The following ANKIB1 variants were observed in gnomAD, a reference collection of about 807,000 sequenced individuals.
ANKIB1 encodes ankyrin repeat and IBR domain containing 1.
In ANKIB1, 43 loss-of-function variants were observed where a neutral mutation model predicts 122.1. The observed-to-expected ratio is 0.35, with a 90% CI of 0.28 to 0.45. The LOEUF is 0.45. ANKIB1 is among the 20% of genes least tolerant of loss of function. The probability of loss-of-function intolerance (pLI) is 1.00; values close to 1 mark genes in which losing one functional copy is unlikely to be tolerated. For missense variants in ANKIB1, 992 were observed against 1,329.5 expected (o/e 0.75, Z 3.95); for synonymous variants, 390 against 442.0 (o/e 0.88, Z 1.48).
chr7:92,328,942 A>AAT (rs1000501780), intron 5 of ANKIB1, among the ~76,000 whole-genome samples: 7 of 148,416 alleles, frequency 4.7e-5, no homozygotes, highest in South Asian at 2.1e-4. Flanking sequence ...TAAAACATAT[A>AAT]ATATATATAT....
chr7:92,382,209 C>T (rs1418952417), intron 11 of ANKIB1, among the ~76,000 whole-genome samples: 1 of 152,196 alleles, frequency 6.6e-6, no homozygotes, highest in East Asian at 1.9e-4. Context: ...TATATATGCA[C>T]CCAATACAGG....
intron 4 of ANKIB1, 29 bp downstream of exon 4, chr7:92,319,541 A>G: frequency 1.3e-6 from 2 of 1,575,340 alleles, no homozygotes; most frequent in East Asian, 4.5e-5. Flanking sequence ...CTCAGTAAAA[A>G]AATTACATGT....
At chr7:92,391,997 C>G (rs1804797069) in intron 16 of ANKIB1, among the ~76,000 whole-genome samples, 1 of 151,954 alleles carries the variant, frequency 6.6e-6, no homozygotes, top group Admixed American at 6.6e-5. Context: ...CAAATAGAAG[C>G]ATTATAAAAT....
intron 1 of ANKIB1, among the ~76,000 whole-genome samples, chr7:92,265,549 A>G (rs1801654377): frequency 1.3e-5 from 2 of 152,240 alleles, no homozygotes; most frequent in Non-Finnish European, 1.5e-5. Flanking sequence ...AAAGCAAAAC[A>G]TAACTATTGT....
At chr7:92,394,993 A>G (rs1389732043) in intron 17 of ANKIB1, among the ~76,000 whole-genome samples, 1 of 152,222 alleles carries the variant, frequency 6.6e-6, no homozygotes, top group Non-Finnish European at 1.5e-5. Context: ...AGCATATTGA[A>G]TATTCTAGGG....
At chr7:92,296,828 A>G (rs985882265) in intron 2 of ANKIB1, among the ~76,000 whole-genome samples, 1 of 152,208 alleles carries the variant, frequency 6.6e-6, no homozygotes, top group Admixed American at 6.5e-5. Context: ...AAAATTTCAT[A>G]AATAATTTAG....
chr7:92,325,352 TTC>T (rs894232136), intron 4 of ANKIB1, among the ~76,000 whole-genome samples: 30 of 152,232 alleles, frequency 2.0e-4, no homozygotes, highest in African/African-American at 7.2e-4. Context: ...GCTGCTGGGT[TTC>T]TGTTATTTCA....
chr7:92,345,449 T>C (rs1803518687), intron 7 of ANKIB1, among the ~76,000 whole-genome samples: 1 of 152,246 alleles, frequency 6.6e-6, no homozygotes, highest in Non-Finnish European at 1.5e-5. Context: ...CCAAGTTGCC[T>C]TGAAAATCTT....
In ANKIB1 at chr7:92,398,205, G is replaced by C. The variant is rs149815088; in HGVS notation, c.2533-7G>C. 6.7e-4 allele frequency: 1,039 copies of C among 1,561,048 alleles called. 8 individuals are homozygous for C. In the African/African-American group the frequency reaches 0.013, roughly 19 times the overall value. On this transcript the variant is annotated splice_polypyrimidine_tract_variant and splice_region_variant and intron_variant, in intron 19 of 19. Coordinates refer to ENST00000265742, the MANE Select transcript of ANKIB1 (RefSeq NM_019004.2). ...TTTTAAAGTGGTTTTGCTTTCTGTTGCTTCAGGCTCTGAGTTCCTTGGATG... is the reference window on the plus strand; with the variant it reads ...TTTTAAAGTGGTTTTGCTTTCTGTTCCTTCAGGCTCTGAGTTCCTTGGATG...
intron 5 of ANKIB1, among the ~76,000 whole-genome samples, chr7:92,341,868 T>C (rs1326489710): frequency 6.6e-6 from 1 of 152,190 alleles, no homozygotes; most frequent in African/African-American, 2.4e-5. Context: ...CATTTTCAAC[T>C]TATCATATTT....
chr7:92,265,663 A>G (rs568473065), intron 1 of ANKIB1, among the ~76,000 whole-genome samples: 1 of 152,324 alleles, frequency 6.6e-6, no homozygotes, highest in Admixed American at 6.5e-5. Context: ...AGGTGACCTG[A>G]GCTGGGATTA....
chr7:92,389,758 T>C (rs1205980604), intron 14 of ANKIB1, among the ~76,000 whole-genome samples: 2 of 152,180 alleles, frequency 1.3e-5, no homozygotes, highest in African/African-American at 4.8e-5. Context: ...CTGGGGCATA[T>C]GCTTCTTTTA....
chr7:92,388,146 C>T, intron 14 of ANKIB1, 105 bp downstream of exon 14: 5 of 1,081,034 alleles, frequency 4.6e-6, no homozygotes, highest in Non-Finnish European at 5.5e-6. Context: ...TGTTCATTAG[C>T]TTGTTCTGGT....
chr7:92,265,209 C>T (rs978319774), intron 1 of ANKIB1, among the ~76,000 whole-genome samples: 1 of 151,974 alleles, frequency 6.6e-6, no homozygotes, highest in African/African-American at 2.4e-5. Flanking sequence ...GAACTCCTGG[C>T]CTCAAGCGAT....
intron 1 of ANKIB1, among the ~76,000 whole-genome samples, chr7:92,250,147 A>G (rs1304199370): frequency 6.6e-6 from 1 of 152,202 alleles, no homozygotes; most frequent in Non-Finnish European, 1.5e-5. Context: ...TAATCCCAGA[A>G]CTTTGGGAGG....
intron 1 of ANKIB1, among the ~76,000 whole-genome samples, chr7:92,289,360 GA>G (rs1468610721): frequency 6.6e-6 from 1 of 152,134 alleles, no homozygotes; most frequent in Non-Finnish European, 1.5e-5. Flanking sequence ...TAAATGTAGT[GA>G]TTTTTATCCT....
intron 19 of ANKIB1, 53 bp from the exon 20 acceptor site, chr7:92,398,159 A>G: frequency 6.6e-7 from 1 of 1,515,616 alleles, no homozygotes; most frequent in South Asian, 1.4e-5. Context: ...GATTGAGTTA[A>G]ATCAGTTTTT....
chr7:92,338,933 AATATATAT>A (rs1164398513), intron 5 of ANKIB1, among the ~76,000 whole-genome samples: 724 of 21,848 alleles, frequency 0.033, 32 homozygotes, highest in African/African-American at 0.045. Context: ...AAAAAAAAAA[AATATATAT>A]ATATATATAT....
chr7:92,398,312 TCC>T lies in ANKIB1; in HGVS notation c.2634_2635del (p.Leu879GlnfsTer2). The T allele has an allele frequency of 6.2e-7, 1 of 1,613,714 alleles. No homozygotes were observed. Among genetic ancestry groups the T allele is most frequent in the Non-Finnish European group, 8.5e-7 (1 of 1,179,766 alleles). ...GCCCTCGATGAAGAAACTAGAGACT[TCC>T]TCAGTAATGAAGCATCCTTAGGTGC... On this transcript the variant is annotated frameshift_variant, in exon 20 of 20. Transcript: ENST00000265742. LOFTEE classifies it high-confidence loss of function.
Sources: allele counts gnomAD v4.1 joint callset (sites outside exome capture counted in the v4.1 genomes callset), GRCh38; gene constraint gnomAD v4.1.1; transcripts MANE v1.5; gene names NCBI Gene and HGNC (gene_info 2026-07-23, HGNC 2026-07-21).